RANBP2: variants seen among roughly 807,000 people sequenced by gnomAD.
RANBP2 encodes the protein E3 SUMO-protein ligase RanBP2.
Under a neutral mutation model 303.6 loss-of-function variants are expected in RANBP2, and 57 were observed. That is an observed-to-expected ratio of 0.19 (90% CI 0.15 to 0.23). RANBP2 has a LOEUF of 0.23. Among genes scored for constraint, RANBP2 ranks in the 10% least tolerant of loss-of-function variants. RANBP2 has a pLI of 1.00. For missense variants in RANBP2, 3,138 were observed against 3,780.8 expected, an observed-to-expected ratio of 0.83 and a Z score of 4.46; for synonymous variants, 1,167 against 1,301.5, an observed-to-expected ratio of 0.90 and a Z score of 2.23.
the RANBP2 span, among the ~76,000 whole-genome samples, chr2:108,977,230 G>C: frequency 1 from 151,501 of 152,256 alleles, 75,382 homozygotes; most frequent in Middle Eastern, 1. Flanking sequence ...CTTTGCCGCC[G>C]GGAGATCTGG....
the RANBP2 span, among the ~76,000 whole-genome samples, chr2:109,591,406 A>C: frequency 2.6e-5 from 4 of 152,170 alleles, no homozygotes; most frequent in African/African-American, 9.7e-5. Flanking sequence ...AAAAGAAACC[A>C]AGCAACAGCC....
the RANBP2 span, among the ~76,000 whole-genome samples, chr2:109,611,509 A>G: frequency 6.6e-6 from 1 of 152,126 alleles, no homozygotes; most frequent in African/African-American, 2.4e-5. Context: ...AAAATAGGCA[A>G]CATGTTGGGA....
At chr2:108,723,786 T>C (rs570650064) in intron 1 of RANBP2, among the ~76,000 whole-genome samples, 2 of 152,382 alleles carry the variant, frequency 1.3e-5, no homozygotes, top group East Asian at 1.9e-4. Flanking sequence ...CTTTATTTTT[T>C]GGTTTGCTTG....
chr2:109,292,182 GTTTC>G, the RANBP2 span, among the ~76,000 whole-genome samples: 1 of 152,192 alleles, frequency 6.6e-6, no homozygotes, highest in East Asian at 1.9e-4. Context: ...ATTTTTAAAT[GTTTC>G]TTTCTAATTA....
chr2:109,160,271 G>T, the RANBP2 span, among the ~76,000 whole-genome samples: 1 of 152,352 alleles, frequency 6.6e-6, no homozygotes, highest in South Asian at 2.1e-4. Context: ...GTGACAGACA[G>T]GCATGAGGTT....
chr2:108,973,853 A>G, the RANBP2 span, among the ~76,000 whole-genome samples: 8 of 152,324 alleles, frequency 5.3e-5, no homozygotes, highest in East Asian at 1.2e-3. Context: ...GTAAATAACA[A>G]CATTTCTTGG....
At chr2:109,739,830 T>C in the RANBP2 span, among the ~76,000 whole-genome samples, 1 of 151,278 alleles carries the variant, frequency 6.6e-6, no homozygotes, top group Non-Finnish European at 1.5e-5. Context: ...AGTTTTTCCT[T>C]ATACAGTACA....
the RANBP2 span, among the ~76,000 whole-genome samples, chr2:109,350,307 CCAG>C: frequency 6.6e-6 from 1 of 152,172 alleles, no homozygotes; most frequent in Non-Finnish European, 1.5e-5. Flanking sequence ...CACGGGAGGC[CCAG>C]CATCTCCTGT....
the RANBP2 span, among the ~76,000 whole-genome samples, chr2:109,010,397 A>G: frequency 7.2e-6 from 1 of 138,760 alleles, no homozygotes; most frequent in Non-Finnish European, 1.5e-5. Context: ...AGTAACTTTG[A>G]TGCAACCAGC....
chr2:109,249,521 T>TTTCTTTC, the RANBP2 span, among the ~76,000 whole-genome samples: 16 of 93,712 alleles, frequency 1.7e-4, no homozygotes, highest in Admixed American at 3.5e-4. Context: ...TTCTTTCTTT[T>TTTCTTTC]TCTTTCTTTC....
At chr2:109,473,123 C>T in the RANBP2 span, among the ~76,000 whole-genome samples, 1 of 152,350 alleles carries the variant, frequency 6.6e-6, no homozygotes, top group African/African-American at 2.4e-5. Context: ...TTAATCGCCC[C>T]TCATTTAACA....
At chr2:109,180,498 C>T in the RANBP2 span, among the ~76,000 whole-genome samples, 1 of 152,180 alleles carries the variant, frequency 6.6e-6, no homozygotes, top group Non-Finnish European at 1.5e-5. Context: ...ACCCAAATCT[C>T]ATCTTGAATT....
Position 108,763,959 on chromosome 2 carries a change from A to G in RANBP2, c.3420A>G (p.Ser1140=). Residue 1140 remains serine (S), a synonymous_variant, in exon 20 of 29, where the codon TCA becomes TCG. Transcript: ENST00000283195. The part of the protein sequence containing the change: ...DMFTFHGPGK[S]VFGTPTLETA... ...TTACTTTCCATGGTCCAGGGAAATC[A>G]GTATTTGGAACACCCACTTTAGAGA... The G allele has an allele frequency of 6.2e-7, 1 of 1,614,040 alleles. No individual in the cohort carries two copies. Among genetic ancestry groups the G allele is most frequent in the East Asian group, 2.2e-5 (1 of 44,880 alleles).
intron 5 of RANBP2, 21 bp downstream of exon 5, chr2:108,735,783 C>A: frequency 6.3e-7 from 1 of 1,597,546 alleles, no homozygotes; most frequent in Non-Finnish European, 8.5e-7. Flanking sequence ...GCTATTGGGT[C>A]TTTACATTTC....
the RANBP2 span, among the ~76,000 whole-genome samples, chr2:109,202,238 C>T: frequency 1.4e-4 from 21 of 152,146 alleles, no homozygotes; most frequent in Non-Finnish European, 2.1e-4. Flanking sequence ...AGTGAGGATG[C>T]GGCCCCCACC....
chr2:109,512,943 G>A, the RANBP2 span, among the ~76,000 whole-genome samples: 9 of 152,336 alleles, frequency 5.9e-5, no homozygotes, highest in Non-Finnish European at 1.0e-4. Flanking sequence ...GGGTGGCCTG[G>A]CAGCCTCTTT....
chr2:109,331,684 C>T, the RANBP2 span, among the ~76,000 whole-genome samples: 1 of 151,270 alleles, frequency 6.6e-6, no homozygotes, highest in Non-Finnish European at 1.5e-5. Flanking sequence ...ATGTTTTTAT[C>T]TATTTTGTTT....
rs1175356147 is a variant in RANBP2 at position 108,731,604 on chromosome 2, A to G, written c.405+130A>G. On this transcript the variant is annotated intron_variant, in intron 4 of 28. Transcript: ENST00000283195. ...GTTTCCTTTAAAAATTTTCTTTTAA[A>G]AAGTGTGTTAAAACCTTTCTGAGCA... The G allele has an allele frequency of 1.3e-5, 20 of 1,534,568 alleles. No homozygotes were observed. The East Asian group carries it at 4.1e-4, about 31-fold the overall frequency.
At chr2:109,065,401 A>G in the RANBP2 span, among the ~76,000 whole-genome samples, 1 of 152,118 alleles carries the variant, frequency 6.6e-6, no homozygotes, top group Non-Finnish European at 1.5e-5. Context: ...TGTGGAGGAC[A>G]GGTCCTTGGG....
Sources: gnomAD v4.1 joint callset for allele counts (sites outside exome capture counted in the v4.1 genomes callset) on GRCh38, gnomAD v4.1.1 for gene constraint, MANE v1.5 for transcripts, NCBI Gene and HGNC (gene_info 2026-07-23, HGNC 2026-07-21) for gene names.